The following CHD2 variants were observed in gnomAD, a reference collection of about 807,000 sequenced individuals.
The protein encoded by CHD2 is ATP-dependent chromatin remodeler CHD2.
CHD2 carries 28 observed loss-of-function variants against 243.9 expected under a neutral mutation model. The observed-to-expected ratio is 0.11, with a 90% CI of 0.09 to 0.16. The LOEUF (loss-of-function observed/expected upper bound fraction) is 0.16, where lower values mean the gene tolerates loss of function less well. Ranked by LOEUF, CHD2 falls within the 10% of genes least tolerant of loss-of-function variation. The pLI is 1.00. For synonymous variants in CHD2, 775 were observed against 779.0 expected (o/e 0.99, Z 0.09); for missense variants, 1,386 against 2,209.8 (o/e 0.63, Z 7.47).
intron 26 of CHD2, among the ~76,000 whole-genome samples, chr15:92,986,647 A>C (rs2054046948): frequency 6.6e-6 from 1 of 152,102 alleles, no homozygotes; most frequent in Non-Finnish European, 1.5e-5. Flanking sequence ...GTTTTCTGCT[A>C]TGGGGCAGTA....
chr15:92,930,684 G>T (rs959417904), intron 5 of CHD2, among the ~76,000 whole-genome samples: 1 of 151,976 alleles, frequency 6.6e-6, no homozygotes, highest in Non-Finnish European at 1.5e-5. Flanking sequence ...CTCCAGCCTC[G>T]GTCTCCTAGG....
At chr15:92,991,099 C>T (rs745422686) in intron 26 of CHD2, among the ~76,000 whole-genome samples, 2 of 152,154 alleles carry the variant, frequency 1.3e-5, no homozygotes, top group South Asian at 2.1e-4. Flanking sequence ...GCTGATGAAA[C>T]GATATAAGGG....
rs1167507662 is a variant in CHD2, at chr15:92,967,597, T to A, written c.2189+84T>A. On this transcript the variant is annotated intron_variant, in intron 17 of 38. Coordinates refer to ENST00000394196, the MANE Select transcript of CHD2 (RefSeq NM_001271.4). ...GATAGGAGATATATATATATACTTT[T>A]GTTTTTTTTTTTTTTGGAGACAGAG... 3 of 952,898 alleles carry A rather than the reference T, an allele frequency of 3.1e-6. No homozygotes were observed. In the African/African-American group the frequency reaches 5.5e-5, roughly 17 times the overall value. The allele number at this position is 952,898 out of a possible 1,614,324, so 59.0% of individuals were successfully genotyped here.
At chr15:92,985,714 G>A (rs1172855020) in intron 26 of CHD2, 41 bp downstream of exon 26, 3 of 1,578,660 alleles carry the variant, frequency 1.9e-6, no homozygotes, top group Admixed American at 1.7e-5. Context: ...GTTTGAAAGT[G>A]CGTACTGTAA....
intron 15 of CHD2, among the ~76,000 whole-genome samples, 180 bp from the exon 16 acceptor site, chr15:92,956,278 TA>T (rs1567141067): frequency 6.6e-6 from 1 of 152,186 alleles, no homozygotes; most frequent in African/African-American, 2.4e-5. Context: ...CTCTTTTGAA[TA>T]GCTACCAATC....
intron 13 of CHD2, among the ~76,000 whole-genome samples, chr15:92,950,849 C>G (rs980960331): frequency 6.6e-6 from 1 of 151,916 alleles, no homozygotes; most frequent in African/African-American, 2.4e-5. Flanking sequence ...GACTTTTTCC[C>G]AAGTGAACCA....
chr15:92,918,836 TAC>T (rs947742303), intron 2 of CHD2, among the ~76,000 whole-genome samples: 18 of 151,450 alleles, frequency 1.2e-4, no homozygotes, highest in Admixed American at 5.3e-4. Context: ...TATATATACA[TAC>T]ACACATATAT....
chr15:92,999,347 A>G (rs183730251), intron 31 of CHD2, among the ~76,000 whole-genome samples: 6 of 152,244 alleles, frequency 3.9e-5, no homozygotes, highest in African/African-American at 1.4e-4. Flanking sequence ...TGGATCCCAG[A>G]GATAAAATGG....
intron 28 of CHD2, among the ~76,000 whole-genome samples, chr15:92,993,905 G>C (rs576038293): frequency 1.3e-5 from 2 of 152,200 alleles, no homozygotes; most frequent in Non-Finnish European, 2.9e-5. Flanking sequence ...TTGAGATCAT[G>C]CCGCTGCAGT....
At chr15:92,960,718 T>TTG in intron 16 of CHD2, among the ~76,000 whole-genome samples, 1 of 143,018 alleles carries the variant, frequency 7.0e-6, no homozygotes, top group African/African-American at 2.6e-5. Flanking sequence ...TTTTTTTTTT[T>TTG]TTTTTTTTTT....
chr15:92,901,700 A>G lies in CHD2; in HGVS notation c.62+401A>G, dbSNP rs2052530864. On this transcript the variant is annotated intron_variant, in intron 2 of 38. Transcript: ENST00000394196. ...AAATTTTTTCTTTGAAGAATCCAGG[A>G]TATCTAAACTTGTAACTGAGGGCCA... The G allele has an allele frequency of 1.2e-5, 4 of 335,318 alleles. No individual in the cohort carries two copies. The East Asian group carries it at 1.9e-4, about 16-fold the overall frequency. The allele number at this position is 335,318 out of a possible 1,614,324, so 20.8% of individuals were successfully genotyped here.
intron 37 of CHD2, 51 bp downstream of exon 37, chr15:93,014,960 C>A (rs1485363963): frequency 1.4e-6 from 2 of 1,463,098 alleles, no homozygotes; most frequent in South Asian, 1.1e-5. Flanking sequence ...ATAAAAAATT[C>A]ACACAGCCGT....
intron 20 of CHD2, among the ~76,000 whole-genome samples, chr15:92,975,168 C>G (rs1412186894): frequency 6.6e-6 from 1 of 152,168 alleles, no homozygotes; most frequent in Non-Finnish European, 1.5e-5. Flanking sequence ...GGGTTGACAA[C>G]AGAGTGGTTC....
At chr15:92,959,573 C>T (rs1018618118) in intron 16 of CHD2, among the ~76,000 whole-genome samples, 8 of 152,196 alleles carry the variant, frequency 5.3e-5, no homozygotes, top group Admixed American at 1.3e-4. Flanking sequence ...CTCACTGCAA[C>T]GTCTGCCTCC....
At chr15:92,999,635 C>T (rs1409736570) in intron 31 of CHD2, among the ~76,000 whole-genome samples, 1 of 152,054 alleles carries the variant, frequency 6.6e-6, no homozygotes, top group Admixed American at 6.5e-5. Context: ...AGGAAAAAAA[C>T]CCATAATACC....
intron 2 of CHD2, chr15:92,904,301 C>T (rs753132639): frequency 2.2e-5 from 6 of 269,956 alleles, no homozygotes; most frequent in Admixed American, 6.5e-5. Context: ...CCGGCCGGCG[C>T]CGGCGCGGGG....
At position 93,026,764 on chromosome 15, in the gene CHD2, G is replaced by C. The variant is rs2054589528; in HGVS notation, c.*2059G>C. 6.6e-6 allele frequency: 1 copy of C among 152,336 alleles called. No individual in the cohort carries two copies. Among genetic ancestry groups the C allele is most frequent in the Non-Finnish European group, 1.5e-5 (1 of 68,092 alleles). The allele number at this position is 152,336 out of a possible 1,614,324, so 9.4% of individuals were successfully genotyped here. On this transcript the variant is annotated 3_prime_UTR_variant, in exon 39 of 39. Coordinates refer to ENST00000394196, the MANE Select transcript of CHD2 (RefSeq NM_001271.4). ...TTGCCTTGCCCAAGCCAAAGAGGAA[G>C]GTTAGGTTGGCTTGTCGAGCCCTTG...
intron 2 of CHD2, among the ~76,000 whole-genome samples, chr15:92,916,906 G>C (rs2052848871): frequency 6.6e-6 from 1 of 152,186 alleles, no homozygotes; most frequent in South Asian, 2.1e-4. Flanking sequence ...TTAATACTAA[G>C]AGACTTTAAT....
At chr15:92,950,223 CAA>C (rs2053534914) in intron 13 of CHD2, among the ~76,000 whole-genome samples, 1 of 152,168 alleles carries the variant, frequency 6.6e-6, no homozygotes, top group Non-Finnish European at 1.5e-5. Context: ...TAGGGCTTAA[CAA>C]AGAGTTATTA....
Sources: allele counts gnomAD v4.1 joint callset (sites outside exome capture counted in the v4.1 genomes callset), GRCh38; gene constraint gnomAD v4.1.1; transcripts MANE v1.5; gene names NCBI Gene and HGNC (gene_info 2026-07-23, HGNC 2026-07-21).